ZNF320: variants seen among roughly 807,000 people sequenced by gnomAD.
The protein encoded by ZNF320 is zinc finger protein 320.
Under a neutral mutation model 6.8 loss-of-function variants are expected in ZNF320, and 2 were observed. That is an observed-to-expected ratio of 0.29 (90% CI 0.12 to 0.93). The LOEUF (loss-of-function observed/expected upper bound fraction) is 0.93, where lower values mean the gene tolerates loss of function less well. Ranked by LOEUF, ZNF320 falls within the 40% of genes least tolerant of loss-of-function variation. ZNF320 has a pLI of 0.55. For synonymous variants in ZNF320, 208 were observed against 203.2 expected (o/e 1.02, Z -0.20); for missense variants, 472 against 611.0 (o/e 0.77, Z 2.40).
chr19:52,869,416 C>T (rs1224620690), intron 5 of ZNF320, among the ~76,000 whole-genome samples: 1 of 152,070 alleles, frequency 6.6e-6, no homozygotes, highest in Admixed American at 6.6e-5. Flanking sequence ...AGTGCAGCAG[C>T]GAAGGAGACC....
chr19:52,884,507 G>A (rs2064016240), intron 5 of ZNF320, among the ~76,000 whole-genome samples: 1 of 152,108 alleles, frequency 6.6e-6, no homozygotes, highest in Non-Finnish European at 1.5e-5. Flanking sequence ...TAGTAGAGAT[G>A]GGGTTTTACC....
intron 4 of ZNF320, among the ~76,000 whole-genome samples, chr19:52,889,864 A>G (rs1193797141): frequency 1.3e-5 from 2 of 152,144 alleles, no homozygotes; most frequent in Non-Finnish European, 2.9e-5. Context: ...CACTTTGTGC[A>G]CATTAATATG....
At position 52,866,209 on chromosome 19, in the gene ZNF320, CATATATTTATATATATGATTATACAT is replaced by C. The variant is rs1186579898; in HGVS notation, c.224-2076_224-2051del. 3.0e-4 allele frequency among the ~76,000 whole-genome samples: 31 copies of C among 102,850 alleles called. 1 individual carries two copies. The highest frequency in any genetic ancestry group is 1.0e-3 in the African/African-American group (24 of 23,472). The allele number at this position is 102,850 out of a possible 152,430, so 67.5% of individuals were successfully genotyped here. A position where few individuals can be genotyped will look rare whatever the true frequency, so the allele number is the denominator to read the frequency against. On this transcript the variant is annotated intron_variant, in intron 5 of 5. Transcript: ENST00000673631. ...ACATATATTTATATATATGATTATA[CATATATTTATATATATGATTATACAT>C]ATATATATATATAAAATCATAAGGC...
At chr19:52,892,122 T>C (rs1320787010) in intron 2 of ZNF320, 1 of 152,238 alleles carries the variant, frequency 6.6e-6, no homozygotes, top group Non-Finnish European at 1.5e-5. Flanking sequence ...CACAGCACTT[T>C]GGGAGGCCAA....
intron 5 of ZNF320, among the ~76,000 whole-genome samples, chr19:52,864,946 G>C (rs891696008): frequency 2.0e-5 from 3 of 152,088 alleles, no homozygotes; most frequent in African/African-American, 7.2e-5. Flanking sequence ...CTGGGAGGTA[G>C]AGCTTGCAGT....
upstream of ZNF320, among the ~76,000 whole-genome samples, chr19:52,898,371 C>T (rs1471464851): frequency 1.3e-5 from 2 of 152,056 alleles, no homozygotes; most frequent in East Asian, 1.9e-4. Context: ...TCTGGGGTCC[C>T]GGCTACTCAG....
At chr19:52,869,019 T>C (rs1342137909) in intron 5 of ZNF320, among the ~76,000 whole-genome samples, 2 of 152,010 alleles carry the variant, frequency 1.3e-5, no homozygotes, top group Non-Finnish European at 2.9e-5. Flanking sequence ...GATCAATGTA[T>C]CATGTGAGGC....
At chr19:52,902,628 C>CTATTAAA (rs2064574887), upstream of ZNF320, among the ~76,000 whole-genome samples, 2 of 152,270 alleles carry the variant, frequency 1.3e-5, no homozygotes, top group South Asian at 2.1e-4. Context: ...AAGCTGAACA[C>CTATTAAA]CATTTTATAT....
At chr19:52,883,502 C>A in intron 5 of ZNF320, 2 of 364,430 alleles carry the variant, frequency 5.5e-6, no homozygotes, top group Admixed American at 3.7e-5. Flanking sequence ...AAGGCCATAA[C>A]TTGTAGTTAC....
At chr19:52,902,405 C>T (rs2064574031), upstream of ZNF320, among the ~76,000 whole-genome samples, 1 of 152,228 alleles carries the variant, frequency 6.6e-6, no homozygotes, top group South Asian at 2.1e-4. Context: ...GGAAGGGGGA[C>T]AATCAGGGCC....
chr19:52,899,190 A>T (rs543710058), upstream of ZNF320, among the ~76,000 whole-genome samples: 1 of 152,310 alleles, frequency 6.6e-6, no homozygotes, highest in African/African-American at 2.4e-5. Flanking sequence ...AGAGAGCAGT[A>T]AGCAGCTTTT....
At chr19:52,863,043 A>C (rs1600550945) in exon 6 of ZNF320, among the ~76,000 whole-genome samples, 1 of 152,016 alleles carries the variant, frequency 6.6e-6, no homozygotes, top group Non-Finnish European at 1.5e-5. Flanking sequence ...CTCATTGCAA[A>C]CTGCCTCCTG....
downstream of ZNF320, among the ~76,000 whole-genome samples, chr19:52,860,668 CTG>C (rs1275760803): frequency 6.6e-6 from 1 of 151,318 alleles, no homozygotes; most frequent in East Asian, 1.9e-4. Flanking sequence ...GAAAGCATGA[CTG>C]TAATTATTTT....
chr19:52,861,445 T>C (rs2063486525), exon 6 of ZNF320, among the ~76,000 whole-genome samples: 1 of 152,184 alleles, frequency 6.6e-6, no homozygotes, highest in African/African-American at 2.4e-5. Context: ...GTGATTTAGA[T>C]TCAACACGGT....
chr19:52,886,386 C>G (rs776625141), intron 5 of ZNF320, among the ~76,000 whole-genome samples: 3 of 152,136 alleles, frequency 2.0e-5, no homozygotes, highest in Non-Finnish European at 2.9e-5. Context: ...CTGCCCACCT[C>G]GGCATCCCAG....
intron 2 of ZNF320, 47 bp from the exon 3 acceptor site, chr19:52,891,393 T>C (rs1045124506): frequency 8.1e-5 from 12 of 148,916 alleles, no homozygotes; most frequent in Non-Finnish European, 1.5e-4. Flanking sequence ...GTGATAGAGA[T>C]AATAAAACCT....
Position 52,878,238 on chromosome 19 carries a change from TTTC to T in ZNF320, c.*2355_*2357del, listed in dbSNP as rs1211320218. On this transcript the variant is annotated 3_prime_UTR_variant, in exon 6 of 6. Coordinates refer to ENST00000682928, the MANE Select transcript of ZNF320 (RefSeq NM_001351774.2). The stretch of plus-strand genomic sequence containing the variant: ...GTCTGCCTGCCACTCTGTGCATCAC[TTTC>T]TTTTTTTTTTTTTTTTTTTTTTTTT... 1 of 133,420 alleles carries T rather than the reference TTTC, an allele frequency of 7.5e-6. No homozygotes were observed. The highest frequency in any genetic ancestry group is 1.6e-5 in the Non-Finnish European group (1 of 62,204). The allele number at this position is 133,420 out of a possible 1,614,324, so 8.3% of individuals were successfully genotyped here.
chr19:52,862,912 T>C (rs1226905977), exon 6 of ZNF320: 24 of 266,838 alleles, frequency 9.0e-5, no homozygotes, highest in Non-Finnish European at 1.5e-4. Flanking sequence ...ATTCCGCCTG[T>C]AGTCTCAGCT....
downstream of ZNF320, chr19:52,873,917 G>A (rs899704042): frequency 2.4e-5 from 9 of 368,516 alleles, no homozygotes; most frequent in Admixed American, 1.3e-4. Context: ...AGACTCACAG[G>A]AGACTGACTA....
Sources: allele counts gnomAD v4.1 joint callset (sites outside exome capture counted in the v4.1 genomes callset), GRCh38; gene constraint gnomAD v4.1.1; transcripts MANE v1.5; gene names NCBI Gene and HGNC (gene_info 2026-07-23, HGNC 2026-07-21).